The following COL4A5 variants were observed in gnomAD, a reference collection of about 807,000 sequenced individuals.
The protein encoded by COL4A5 is collagen type IV alpha 5 chain.
A neutral mutation model predicts 130.2 loss-of-function variants in COL4A5; 26 were observed. That is an observed-to-expected ratio of 0.20 (90% CI 0.15 to 0.28). The LOEUF (loss-of-function observed/expected upper bound fraction) is 0.28, where lower values mean the gene tolerates loss of function less well. Ranked by LOEUF, COL4A5 falls within the 10% of genes least tolerant of loss-of-function variation. The pLI is 1.00. For missense variants in COL4A5, 1,131 were observed against 1,344.3 expected (o/e 0.84, Z 2.48); for synonymous variants, 496 against 439.6 (o/e 1.13, Z -1.60).
At position 108,626,468 on chromosome X, in the gene COL4A5, A is replaced by G. The variant is rs775529537; in HGVS notation, c.3246+119A>G. On this transcript the variant is annotated intron_variant, in intron 36 of 52. Coordinates refer to ENST00000328300, the MANE Select transcript of COL4A5 (RefSeq NM_033380.3). Reference sequence around the variant, plus strand: ...TAGAATGACATAGTATATTCTGGATAAGAGATTTATTCCTTTTCTTTTCTC... The same window carrying G: ...TAGAATGACATAGTATATTCTGGATGAGAGATTTATTCCTTTTCTTTTCTC... The G allele has an allele frequency of 6.9e-6, 8 of 1,167,780 alleles. No homozygotes were observed. In the South Asian group the frequency reaches 1.5e-4, roughly 22 times the overall value.
chrX:108,573,747 TA>T lies in COL4A5; in HGVS notation c.546+98del. On this transcript the variant is annotated intron_variant, in intron 9 of 52. Coordinates refer to ENST00000328300, the MANE Select transcript of COL4A5 (RefSeq NM_033380.3). ...CCTTTAGTACTCTCTGTTTTTGTCA[TA>T]AAAATTATCATCAGATGTTTACTAG... is the stretch of plus-strand genomic sequence containing the variant. 4.7e-6 allele frequency: 3 copies of T among 636,139 alleles called. No individual in the cohort carries two copies. The Admixed American group carries it at 7.2e-5, about 15-fold the overall frequency. 52.4% of individuals were successfully genotyped at this position (636,139 alleles called of 1,213,427 possible).
chrX:108,469,879 C>T (rs970845459), intron 1 of COL4A5, among the ~76,000 whole-genome samples: 1 of 111,329 alleles, frequency 9.0e-6, no homozygotes, highest in African/African-American at 3.3e-5. Context: ...AGTGAGAACA[C>T]GTGGTATCCG....
intron 1 of COL4A5, among the ~76,000 whole-genome samples, chrX:108,509,312 A>G (rs2065159006): frequency 9.0e-6 from 1 of 111,722 alleles, no homozygotes; most frequent in East Asian, 2.8e-4. Context: ...GAGGATCAGG[A>G]AAAATAACTA....
intron 1 of COL4A5, among the ~76,000 whole-genome samples, chrX:108,466,326 A>G (rs1036378478): frequency 9.0e-6 from 1 of 111,581 alleles, no homozygotes; most frequent in Non-Finnish European, 1.9e-5. Flanking sequence ...CCACCAGACT[A>G]TTTTCCTTGG....
intron 41 of COL4A5, among the ~76,000 whole-genome samples, chrX:108,669,414 T>C (rs2068152810): frequency 8.9e-6 from 1 of 112,446 alleles, no homozygotes; most frequent in Non-Finnish European, 1.9e-5. Context: ...TTGGAATTCA[T>C]TTTAATAAGA....
intron 1 of COL4A5, among the ~76,000 whole-genome samples, chrX:108,503,483 A>G (rs1308332902): frequency 8.9e-6 from 1 of 111,784 alleles, no homozygotes; most frequent in Non-Finnish European, 1.9e-5. Flanking sequence ...TCTCTTAGTC[A>G]ATGATATAAT....
At chrX:108,543,023 A>G (rs1181357275) in intron 2 of COL4A5, among the ~76,000 whole-genome samples, 1 of 111,030 alleles carries the variant, frequency 9.0e-6, no homozygotes, top group Admixed American at 9.6e-5. Flanking sequence ...TTGTCAGATA[A>G]TAGGTTGCAA....
At chrX:108,584,073 TAA>T (rs56676245) in intron 17 of COL4A5, among the ~76,000 whole-genome samples, 12 of 57,499 alleles carry the variant, frequency 2.1e-4, no homozygotes, top group Non-Finnish European at 2.4e-4. Context: ...TGGCTAAATG[TAA>T]AAAAAAAAAA....
chrX:108,489,592 G>C (rs1158982085), intron 1 of COL4A5, among the ~76,000 whole-genome samples: 2 of 111,681 alleles, frequency 1.8e-5, no homozygotes, highest in African/African-American at 3.3e-5. Context: ...GCCCAAGTTT[G>C]CTTTCTGCTA....
chrX:108,659,279 T>G (rs1179259025), intron 37 of COL4A5, among the ~76,000 whole-genome samples: 1 of 111,321 alleles, frequency 9.0e-6, no homozygotes, highest in African/African-American at 3.2e-5. Flanking sequence ...ATGATTTAAC[T>G]ATTAATACTT....
chrX:108,535,265 A>T, intron 1 of COL4A5, among the ~76,000 whole-genome samples: 1 of 111,106 alleles, frequency 9.0e-6, no homozygotes, highest in Non-Finnish European at 1.9e-5. Context: ...GTTACTATAT[A>T]TTTTTTATCT....
Position 108,608,383 on chromosome X carries a change from G to A in COL4A5, c.2395+1491G>A, listed in dbSNP as rs377328465. Among the ~76,000 whole-genome samples, 9 of 110,934 alleles carry A rather than the reference G, an allele frequency of 8.1e-5. No individual in the cohort carries two copies. The East Asian group carries it at 2.0e-3, about 24-fold the overall frequency. On this transcript the variant is annotated intron_variant, in intron 29 of 52. Transcript: ENST00000328300. ...TCTACAATGAACCTTTTATCTCCCT[G>A]CCAACGTTTTGTTTTTTAAAATTTT...
At chrX:108,516,274 A>G in intron 1 of COL4A5, among the ~76,000 whole-genome samples, 1 of 112,295 alleles carries the variant, frequency 8.9e-6, no homozygotes, top group Non-Finnish European at 1.9e-5. Flanking sequence ...TCTTAAATGC[A>G]CTTCGAACAC....
chrX:108,627,539 A>T (rs192801759), intron 36 of COL4A5: 1 of 690,544 alleles, frequency 1.4e-6, no homozygotes, highest in African/African-American at 2.4e-5. Context: ...CATACATTAT[A>T]TCTGTGGACA....
intron 31 of COL4A5, 126 bp downstream of exon 31, chrX:108,620,552 C>G: frequency 1.8e-6 from 1 of 553,646 alleles, no homozygotes. Context: ...CATTAAATAT[C>G]TATGACTGCA....
Position 108,575,985 on chromosome X carries a change from CTTTAA to C in COL4A5, c.609+22_609+26del. 5 of 1,108,280 alleles carry C rather than the reference CTTTAA, an allele frequency of 4.5e-6. No individual in the cohort carries two copies. The highest frequency in any genetic ancestry group is 1.8e-5 in the African/African-American group (1 of 55,753). 91.3% of individuals were successfully genotyped at this position (1,108,280 alleles called of 1,213,427 possible). A position where few individuals can be genotyped will look rare whatever the true frequency, so the allele number is the denominator to read the frequency against. ...ACCAGGTTTGATGGTAAGCTCTCTT[CTTTAA>C]TTTAATTTCCCCCCCTTTCCTTTCT... is the stretch of plus-strand genomic sequence containing the variant. On this transcript the variant is annotated intron_variant, in intron 10 of 52. Transcript: ENST00000328300.
intron 1 of COL4A5, among the ~76,000 whole-genome samples, chrX:108,508,700 C>G (rs962497941): frequency 1.8e-5 from 2 of 110,702 alleles, no homozygotes; most frequent in African/African-American, 6.6e-5. Flanking sequence ...CAGCATGGTA[C>G]TGGTATAAAA....
Position 108,676,300 on chromosome X carries a change from A to C in COL4A5, c.3809-1200A>C, listed in dbSNP as rs752110230. On this transcript the variant is annotated intron_variant, in intron 43 of 52. Coordinates refer to ENST00000328300, the MANE Select transcript of COL4A5 (RefSeq NM_033380.3). The stretch of plus-strand genomic sequence containing the variant: ...AGGAGAGAAGGTGTAAATGCTAACT[A>C]TTGGCTGTTCATTATTTAGGGTTTT... Among the ~76,000 whole-genome samples the C allele has an allele frequency of 3.6e-5, 4 of 111,651 alleles. No homozygotes were observed. The South Asian group carries it at 1.1e-3, about 31-fold the overall frequency.
intron 10 of COL4A5, among the ~76,000 whole-genome samples, chrX:108,576,569 G>T (rs1312398359): frequency 8.9e-6 from 1 of 112,058 alleles, no homozygotes; most frequent in South Asian, 3.7e-4. Context: ...GCAATACTTA[G>T]ATTTCATTCA....
Sources: allele counts gnomAD v4.1 joint callset (sites outside exome capture counted in the v4.1 genomes callset), GRCh38; gene constraint gnomAD v4.1.1; transcripts MANE v1.5; gene names NCBI Gene and HGNC (gene_info 2026-07-23, HGNC 2026-07-21).